The following PLXNA4 variants were observed in gnomAD, a reference collection of about 807,000 sequenced individuals.
PLXNA4 encodes the protein plexin-A4.
PLXNA4 carries 44 observed loss-of-function variants against 191.8 expected under a neutral mutation model. That is an observed-to-expected ratio of 0.23 (90% confidence interval 0.18 to 0.29). The LOEUF is 0.29. PLXNA4 is among the 10% of genes least tolerant of loss of function. PLXNA4 has a pLI of 1.00. For synonymous variants in PLXNA4, 1,082 were observed against 1,009.5 expected (o/e 1.07, Z -1.36); for missense variants, 1,800 against 2,488.8 (o/e 0.72, Z 5.89).
At chr7:132,529,483 G>T (rs1185616121) in intron 1 of PLXNA4, among the ~76,000 whole-genome samples, 1 of 152,100 alleles carries the variant, frequency 6.6e-6, no homozygotes, top group East Asian at 1.9e-4. Flanking sequence ...AACTTACTAT[G>T]CATTGGATTC....
chr7:132,288,194 A>G (rs1227215190), intron 4 of PLXNA4, among the ~76,000 whole-genome samples: 1 of 152,130 alleles, frequency 6.6e-6, no homozygotes. Context: ...CAGTTTCCAC[A>G]CTGATCACAA....
At position 132,130,362 on chromosome 7, in the gene PLXNA4, C is replaced by A; in HGVS notation, c.*117G>T. ...GGCAGAGAGAAAGAGAGAGAAACAGCGCTGCTCAGGGGATGCTGCTGATGC... is the reference window on the plus strand; with the variant it reads ...GGCAGAGAGAAAGAGAGAGAAACAGAGCTGCTCAGGGGATGCTGCTGATGC... On this transcript the variant is annotated 3_prime_UTR_variant, in exon 32 of 32. Coordinates refer to ENST00000321063, the MANE Select transcript of PLXNA4 (RefSeq NM_020911.2). 7.2e-7 allele frequency: 1 copy of A among 1,383,700 alleles called. No individual in the cohort carries two copies. Among genetic ancestry groups the A allele is most frequent in the Non-Finnish European group, 1.0e-6 (1 of 989,516 alleles). 85.7% of individuals were successfully genotyped at this position (1,383,700 alleles called of 1,614,324 possible). A position where few individuals can be genotyped will look rare whatever the true frequency, so the allele number is the denominator to read the frequency against.
chr7:132,363,589 C>A (rs1804034595), intron 3 of PLXNA4, among the ~76,000 whole-genome samples: 1 of 152,194 alleles, frequency 6.6e-6, no homozygotes, highest in South Asian at 2.1e-4. Flanking sequence ...TTTATCCATT[C>A]ATCTGTTGAT....
intron 3 of PLXNA4, among the ~76,000 whole-genome samples, chr7:132,451,225 C>T (rs1796110260): frequency 6.6e-6 from 1 of 152,186 alleles, no homozygotes; most frequent in Non-Finnish European, 1.5e-5. Context: ...AGAAGTCTTC[C>T]CATCATAAGC....
upstream of PLXNA4, among the ~76,000 whole-genome samples, chr7:132,580,101 A>T (rs2116810958): frequency 6.6e-6 from 1 of 152,296 alleles, no homozygotes; most frequent in South Asian, 2.1e-4. Context: ...ATGACATTCA[A>T]AGGACATACC....
At chr7:132,406,094 C>T (rs1794208652) in intron 3 of PLXNA4, among the ~76,000 whole-genome samples, 1 of 152,166 alleles carries the variant, frequency 6.6e-6, no homozygotes, top group Middle Eastern at 3.2e-3. Flanking sequence ...GACTGCCTGA[C>T]AAAGTCAGAG....
rs112869505 is a variant in PLXNA4, at chr7:132,126,729, G to C, written c.*3750C>G. On this transcript the variant is annotated 3_prime_UTR_variant, in exon 32 of 32. Transcript: ENST00000321063. ...TTTCACTTGTAGCTCCTCACAAGCA[G>C]CCAAGCTCACTTACCAGGCTGCGGG... 6.6e-5 allele frequency: 10 copies of C among 152,350 alleles called. 1 individual carries two copies. The highest frequency in any genetic ancestry group is 2.2e-4 in the African/African-American group (9 of 41,546). 9.4% of individuals were successfully genotyped at this position (152,350 alleles called of 1,614,324 possible).
intron 2 of PLXNA4, among the ~76,000 whole-genome samples, chr7:132,613,619 G>A (rs1387292317): frequency 1.3e-5 from 2 of 152,144 alleles, no homozygotes; most frequent in Non-Finnish European, 2.9e-5. Context: ...GCGACGGGGT[G>A]ATGGAGAAAA....
At chr7:132,341,378 T>C (rs919213521) in intron 3 of PLXNA4, among the ~76,000 whole-genome samples, 1 of 152,192 alleles carries the variant, frequency 6.6e-6, no homozygotes, top group Non-Finnish European at 1.5e-5. Context: ...ACTATGACAA[T>C]ACATTGATTG....
At chr7:132,586,257 G>T (rs769155699) in intron 2 of PLXNA4, among the ~76,000 whole-genome samples, 12 of 152,152 alleles carry the variant, frequency 7.9e-5, no homozygotes, top group Non-Finnish European at 1.3e-4. Context: ...AGGAGACATG[G>T]TCATCAGATT....
At chr7:132,195,342 T>C (rs1325394125) in intron 13 of PLXNA4, among the ~76,000 whole-genome samples, 1 of 152,220 alleles carries the variant, frequency 6.6e-6, no homozygotes, top group East Asian at 1.9e-4. Context: ...GATTGCACTA[T>C]CATTTACACA....
intron 8 of PLXNA4, among the ~76,000 whole-genome samples, chr7:132,225,617 C>CT (rs962829689): frequency 3.6e-5 from 1 of 27,736 alleles, no homozygotes; most frequent in African/African-American, 2.8e-4. Flanking sequence ...CCAGAGTCCG[C>CT]CCCCCCCCAC....
chr7:132,217,784 G>T (rs775794338), intron 9 of PLXNA4, among the ~76,000 whole-genome samples: 1 of 151,986 alleles, frequency 6.6e-6, no homozygotes, highest in Non-Finnish European at 1.5e-5. Context: ...AGTGGGGAGG[G>T]GCAGGCAAGA....
intron 3 of PLXNA4, among the ~76,000 whole-genome samples, chr7:132,392,501 T>C (rs886552605): frequency 6.6e-6 from 1 of 152,140 alleles, no homozygotes; most frequent in Non-Finnish European, 1.5e-5. Flanking sequence ...GTCTCCTGGG[T>C]TCACAGTCAT....
intron 30 of PLXNA4, among the ~76,000 whole-genome samples, chr7:132,137,853 AAG>A (rs1256750803): frequency 6.6e-6 from 1 of 151,052 alleles, no homozygotes; most frequent in African/African-American, 2.4e-5. Flanking sequence ...GAGGATGGGT[AAG>A]AGAATGAGTG....
At chr7:132,622,280 C>CG (rs1803282735) in intron 2 of PLXNA4, among the ~76,000 whole-genome samples, 1 of 152,144 alleles carries the variant, frequency 6.6e-6, no homozygotes. Context: ...CCTTGAGTCA[C>CG]CACTTGAAAA....
intron 1 of PLXNA4, among the ~76,000 whole-genome samples, chr7:132,539,130 C>T (rs1315678199): frequency 6.6e-6 from 1 of 152,216 alleles, no homozygotes; most frequent in African/African-American, 2.4e-5. Flanking sequence ...TACTTAGGAT[C>T]CTGCCTCTCC....
chr7:132,186,443 A>AT (rs1462155767), intron 15 of PLXNA4, among the ~76,000 whole-genome samples: 1 of 152,108 alleles, frequency 6.6e-6, no homozygotes, highest in Non-Finnish European at 1.5e-5. Flanking sequence ...AGTGGGTGCT[A>AT]TGGGGGCACC....
In PLXNA4 at chr7:132,194,428, G is replaced by A. The variant is rs12386766; in HGVS notation, c.2739-249C>T. ...AGAGGGTCCCTGTGTTCTGACCCTA[G>A]ATGTTCAGTCCCTAATTCATTATTA... is the stretch of plus-strand genomic sequence containing the variant. On this transcript the variant is annotated intron_variant, in intron 13 of 31. Coordinates refer to ENST00000321063, the MANE Select transcript of PLXNA4 (RefSeq NM_020911.2). 8.5e-3 allele frequency among the ~76,000 whole-genome samples: 1,289 copies of A among 152,298 alleles called. 20 individuals are homozygous for A. Among genetic ancestry groups the A allele is most frequent in the African/African-American group, 0.03 (1,235 of 41,548 alleles).
Sources: gnomAD v4.1 joint callset for allele counts (sites outside exome capture counted in the v4.1 genomes callset) on GRCh38, gnomAD v4.1.1 for gene constraint, MANE v1.5 for transcripts, NCBI Gene and HGNC (gene_info 2026-07-23, HGNC 2026-07-21) for gene names.